The following CD44 variants were observed in gnomAD, a reference collection of about 807,000 sequenced individuals.
CD44 encodes CD44 antigen.
In CD44, 49 loss-of-function variants were observed where a neutral mutation model predicts 88.8. That is an observed-to-expected ratio of 0.55 (90% CI 0.44 to 0.70). CD44 has a LOEUF of 0.70. Ranked by LOEUF, CD44 falls within the 30% of genes least tolerant of loss-of-function variation. The probability of loss-of-function intolerance (pLI) is 0.00; values close to 1 mark genes in which losing one functional copy is unlikely to be tolerated. For missense variants in CD44, 883 were observed against 913.8 expected (o/e 0.97, Z 0.43); for synonymous variants, 325 against 312.3 (o/e 1.04, Z -0.43).
At chr11:35,222,580 T>G in intron 17 of CD44, 1 of 830,336 alleles carries the variant, frequency 1.2e-6, no homozygotes, top group Non-Finnish European at 1.4e-6. Flanking sequence ...GTTTACATGT[T>G]ATTTACATTT....
chr11:35,214,135 T>C (rs972999890), intron 14 of CD44: 10 of 152,190 alleles, frequency 6.6e-5, no homozygotes, highest in African/African-American at 2.2e-4. Context: ...AGCTTTCTGG[T>C]GATAGATGTT....
chr11:35,169,118 C>T (rs1010136277), intron 1 of CD44, among the ~76,000 whole-genome samples: 4 of 152,036 alleles, frequency 2.6e-5, no homozygotes, highest in Non-Finnish European at 5.9e-5. Flanking sequence ...TTTTTGCACC[C>T]TATAAGACTG....
chr11:35,197,638 A>C (rs1946886677), intron 6 of CD44: 1 of 154,548 alleles, frequency 6.5e-6, no homozygotes, highest in South Asian at 2.0e-4. Flanking sequence ...GAGAAGATAA[A>C]AAATGAATTA....
intron 1 of CD44, 89 bp downstream of exon 1, chr11:35,139,459 G>T (rs902489371): frequency 6.7e-6 from 8 of 1,185,554 alleles, no homozygotes; most frequent in African/African-American, 1.5e-5. Flanking sequence ...AGTCGGCCCT[G>T]GGGGACTGGA....
chr11:35,175,445 T>C (rs144264083), intron 1 of CD44, among the ~76,000 whole-genome samples: 23 of 152,308 alleles, frequency 1.5e-4, no homozygotes, highest in Non-Finnish European at 2.9e-4. Context: ...TATGTGTGAG[T>C]ATGTATATTT....
rs554745567 is a variant in CD44, at chr11:35,217,800, GA to G, written c.1874-1507del. On this transcript the variant is annotated intron_variant, in intron 15 of 17. Coordinates refer to ENST00000428726, the MANE Select transcript of CD44 (RefSeq NM_000610.4). Reference sequence around the variant, plus strand: ...TCTACAGTGGGCTTCCATTTGGTAGGAAAAAAAAAGTTCATTTTGGTGGAAC... The same window carrying G: ...TCTACAGTGGGCTTCCATTTGGTAGGAAAAAAAAGTTCATTTTGGTGGAAC... Among the ~76,000 whole-genome samples the G allele has an allele frequency of 1.2e-4, 18 of 151,012 alleles. No individual in the cohort carries two copies. The South Asian group carries it at 1.9e-3, about 16-fold the overall frequency.
intron 1 of CD44, among the ~76,000 whole-genome samples, chr11:35,148,732 C>T (rs1279630077): frequency 6.6e-6 from 1 of 152,260 alleles, no homozygotes; most frequent in Non-Finnish European, 1.5e-5. Flanking sequence ...GCGGTCAGCA[C>T]AGTTCCCCAA....
intron 17 of CD44, among the ~76,000 whole-genome samples, chr11:35,225,043 T>C (rs1949597682): frequency 1.3e-5 from 2 of 152,308 alleles, no homozygotes; most frequent in East Asian, 1.9e-4. Flanking sequence ...TAGAACTTTC[T>C]GTGATGATGG....
intron 15 of CD44, 136 bp downstream of exon 15, chr11:35,215,050 G>A (rs1357375650): frequency 2.3e-5 from 11 of 468,844 alleles, no homozygotes; most frequent in Non-Finnish European, 4.0e-5. Flanking sequence ...TGCAGGGAGG[G>A]CTTATTAAAC....
intron 17 of CD44, chr11:35,222,742 A>G (rs1256271314): frequency 1.7e-5 from 17 of 974,806 alleles, no homozygotes; most frequent in Non-Finnish European, 2.1e-5. Context: ...TTAAAGATAC[A>G]TTATTTTTCT....
At chr11:35,183,273 A>C (rs928093540) in intron 3 of CD44, among the ~76,000 whole-genome samples, 1 of 152,122 alleles carries the variant, frequency 6.6e-6, no homozygotes, top group Non-Finnish European at 1.5e-5. Context: ...GAGATGGAGT[A>C]AGAAAGAACT....
At chr11:35,172,340 C>A (rs1218573204) in intron 1 of CD44, among the ~76,000 whole-genome samples, 1 of 152,164 alleles carries the variant, frequency 6.6e-6, no homozygotes, top group African/African-American at 2.4e-5. Flanking sequence ...ATTGAAAGCT[C>A]AGCTCTTGGT....
At chr11:35,158,661 CT>C (rs1434752891) in intron 1 of CD44, among the ~76,000 whole-genome samples, 7 of 152,208 alleles carry the variant, frequency 4.6e-5, no homozygotes, top group Non-Finnish European at 1.0e-4. Context: ...ATGATTCCAG[CT>C]GCCTCTGGAA....
chr11:35,153,539 A>G (rs1181187293), intron 1 of CD44, among the ~76,000 whole-genome samples: 2 of 152,318 alleles, frequency 1.3e-5, no homozygotes, highest in African/African-American at 4.8e-5. Context: ...AAATTATTCA[A>G]TTGTTCACTC....
At chr11:35,187,665 C>T (rs1455988576) in intron 4 of CD44, among the ~76,000 whole-genome samples, 2 of 152,166 alleles carry the variant, frequency 1.3e-5, no homozygotes, top group Non-Finnish European at 2.9e-5. Context: ...GGGTCTGAGT[C>T]ATGTTCTCTC....
In CD44 at chr11:35,201,197, T is replaced by C. The variant is rs1304450628; in HGVS notation, c.1036+2T>C. ...TTCAGACAACCACAAGGATGACTGG[T>C]AATGGGTTCTGCATATTTAATGAAA... is the stretch of plus-strand genomic sequence containing the variant. On this transcript the variant is annotated splice_donor_variant, in intron 8 of 17. Transcript: ENST00000428726. LOFTEE classifies it high-confidence loss of function. 6.9e-6 allele frequency: 11 copies of C among 1,588,220 alleles called. No individual in the cohort carries two copies. The highest frequency in any genetic ancestry group is 7.8e-6 in the Non-Finnish European group (9 of 1,156,472).
chr11:35,167,696 G>A (rs527760646), intron 1 of CD44, among the ~76,000 whole-genome samples: 36 of 152,320 alleles, frequency 2.4e-4, no homozygotes, highest in African/African-American at 8.7e-4. Flanking sequence ...CACCCAGAGA[G>A]CTATGTTCCA....
At chr11:35,200,801 C>T (rs1001947192) in intron 7 of CD44, among the ~76,000 whole-genome samples, 2 of 152,170 alleles carry the variant, frequency 1.3e-5, no homozygotes, top group African/African-American at 4.8e-5. Flanking sequence ...AGCTGTCCTT[C>T]CTACTGCTGC....
At chr11:35,199,590 A>G (rs995686005) in intron 7 of CD44, among the ~76,000 whole-genome samples, 3 of 152,198 alleles carry the variant, frequency 2.0e-5, no homozygotes, top group Admixed American at 1.3e-4. Flanking sequence ...GCATCTGAGT[A>G]TATAACATTG....
Sources: gnomAD v4.1 joint callset for allele counts (sites outside exome capture counted in the v4.1 genomes callset) on GRCh38, gnomAD v4.1.1 for gene constraint, MANE v1.5 for transcripts, NCBI Gene and HGNC (gene_info 2026-07-23, HGNC 2026-07-21) for gene names.